ADGRE2: variants seen among roughly 807,000 people sequenced by gnomAD.
ADGRE2 encodes CD97 antigen.
Under a neutral mutation model 100.8 loss-of-function variants are expected in ADGRE2, and 83 were observed. That is an observed-to-expected ratio of 0.82 (90% confidence interval 0.69 to 0.99). The LOEUF is 0.99. ADGRE2 is among the 50% of genes least tolerant of loss of function. The pLI, the probability that ADGRE2 is intolerant of heterozygous loss-of-function variation, is 0.00. For missense variants in ADGRE2, 814 were observed against 1,035.7 expected, an observed-to-expected ratio of 0.79 and a Z score of 2.94; for synonymous variants, 355 against 413.0, an observed-to-expected ratio of 0.86 and a Z score of 1.70.
chr19:14,731,036 A>G, downstream of ADGRE2: 1 of 692,182 alleles, frequency 1.4e-6, no homozygotes, highest in Non-Finnish European at 2.5e-6. Context: ...TATTTAGGAC[A>G]TTCATAGGCA....
chr19:14,775,597 G>A (rs2044405263), intron 2 of ADGRE2, among the ~76,000 whole-genome samples: 1 of 151,918 alleles, frequency 6.6e-6, no homozygotes, highest in Non-Finnish European at 1.5e-5. Context: ...GGTGGCTCGG[G>A]ACTGTAATCC....
At chr19:14,739,784 G>C (rs560184498) in intron 20 of ADGRE2, among the ~76,000 whole-genome samples, 2 of 152,246 alleles carry the variant, frequency 1.3e-5, no homozygotes, top group African/African-American at 4.8e-5. Flanking sequence ...TCTTTATAAA[G>C]TATGAAGGCT....
In ADGRE2 at chr19:14,769,622, G is replaced by A. The variant is rs73926673; in HGVS notation, c.356-2513C>T. Among the ~76,000 whole-genome samples, 219 of 152,316 alleles carry A rather than the reference G, an allele frequency of 1.4e-3. 1 individual carries two copies. Among genetic ancestry groups the A allele is most frequent in the African/African-American group, 5.1e-3 (213 of 41,580 alleles). On this transcript the variant is annotated intron_variant, in intron 5 of 20. Transcript: ENST00000315576. ...TCTCCCACTTCATTCCTGCTCATCT[G>A]TGTCTCTGCCTATCCACCAACTAAG...
chr19:14,776,697 C>A (rs1178424373), intron 2 of ADGRE2, 29 bp downstream of exon 2: 15 of 1,607,108 alleles, frequency 9.3e-6, no homozygotes, highest in African/African-American at 1.3e-5. Context: ...TCCTCGCTAC[C>A]ACCCCCAGCG....
At position 14,762,684 on chromosome 19, in the gene ADGRE2, C is replaced by T. The variant is rs142557798; in HGVS notation, c.1084+1749G>A. On this transcript the variant is annotated intron_variant, in intron 11 of 20. Coordinates refer to ENST00000315576, the MANE Select transcript of ADGRE2 (RefSeq NM_013447.4). ...TGAGATGGAGTGGCACTCTGTCTCA[C>T]GTAGTCTGGAGTGCAGTGGTGCAAA... 6.4e-3 allele frequency among the ~76,000 whole-genome samples: 980 copies of T among 152,000 alleles called. 15 individuals are homozygous for T. Among genetic ancestry groups the T allele is most frequent in the African/African-American group, 0.023 (946 of 41,442 alleles).
chr19:14,727,184 C>T, the ADGRE2 span, among the ~76,000 whole-genome samples: 111 of 152,168 alleles, frequency 7.3e-4, no homozygotes, highest in African/African-American at 2.3e-3. Context: ...TCCGCCACCA[C>T]GCCTGGCTAA....
At position 14,759,505 on chromosome 19, in the gene ADGRE2, T is replaced by TATATATATATATATATA. The variant is rs60321111; in HGVS notation, c.1085-3161_1085-3160insTATATATATATATATAT. Among the ~76,000 whole-genome samples the TATATATATATATATATA allele has an allele frequency of 6.2e-3, 377 of 61,270 alleles. 2 individuals are homozygous for TATATATATATATATATA. The highest frequency in any genetic ancestry group is 0.022 in the African/African-American group (363 of 16,324). 40.2% of individuals were successfully genotyped at this position (61,270 alleles called of 152,430 possible). A position where few individuals can be genotyped will look rare whatever the true frequency, so the allele number is the denominator to read the frequency against. ...AAGTTATACATATATATATATATATTTTTTTTTTTTAGACGGAGTCTCACT... is the reference window on the plus strand; with the variant it reads ...AAGTTATACATATATATATATATATTATATATATATATATATATTTTTTTTTTAGACGGAGTCTCACT... On this transcript the variant is annotated intron_variant, in intron 11 of 20. Transcript: ENST00000315576.
At position 14,751,492 on chromosome 19, in the gene ADGRE2, A is replaced by G; in HGVS notation, c.1968T>C (p.Ala656=). Residue 656 remains alanine, a synonymous_variant, in exon 16 of 21, where the codon GCT becomes GCC. Transcript: ENST00000315576. ...LMFPVGYGVP[A]VTVAISAASR... ...AGGCTGCAGAAATGGCCACTGTCACAGCTGGGACTCCGTAGCCCACAGGGA... is the reference window on the plus strand; with the variant it reads ...AGGCTGCAGAAATGGCCACTGTCACGGCTGGGACTCCGTAGCCCACAGGGA... 3 of 1,614,166 alleles carry G rather than the reference A, an allele frequency of 1.9e-6. No individual in the cohort carries two copies. The highest frequency in any genetic ancestry group is 2.5e-6 in the Non-Finnish European group (3 of 1,180,016).
At position 14,758,884 on chromosome 19, in the gene ADGRE2, C is replaced by CAAAA. The variant is rs77345554; in HGVS notation, c.1085-2543_1085-2540dup. Among the ~76,000 whole-genome samples the CAAAA allele has an allele frequency of 8.3e-3, 915 of 110,430 alleles. 28 individuals are homozygous for CAAAA. Among genetic ancestry groups the CAAAA allele is most frequent in the Middle Eastern group, 0.03 (7 of 234 alleles). The allele number at this position is 110,430 out of a possible 152,430, so 72.4% of individuals were successfully genotyped here. ...TGCGGGACACAGCACGACTCCGTCT[C>CAAAA]AAAAAAAAAAAAAGGAAAAAGAGAA... On this transcript the variant is annotated intron_variant, in intron 11 of 20. Transcript: ENST00000315576.
chr19:14,766,415 C>T (rs564074074), intron 6 of ADGRE2, 34 bp from the exon 7 acceptor site: 14 of 1,577,348 alleles, frequency 8.9e-6, no homozygotes, highest in Middle Eastern at 2.1e-4. Context: ...AACCCTGTCC[C>T]TGACCAGCCT....
chr19:14,755,920 C>T, intron 12 of ADGRE2, 43 bp from the exon 13 acceptor site: 2 of 1,548,982 alleles, frequency 1.3e-6, no homozygotes, highest in South Asian at 2.3e-5. Flanking sequence ...TAGGTTGAAT[C>T]TCTGGGTCCA....
intron 11 of ADGRE2, among the ~76,000 whole-genome samples, chr19:14,763,345 A>AAAAAC (rs373264140): frequency 4.1e-4 from 62 of 152,102 alleles, no homozygotes; most frequent in African/African-American, 7.7e-4. Flanking sequence ...TCTGTCTCAA[A>AAAAAC]AAAACAAAAC....
chr19:14,745,312 T>C (rs1406644615), intron 18 of ADGRE2, among the ~76,000 whole-genome samples: 6 of 152,216 alleles, frequency 3.9e-5, no homozygotes, highest in African/African-American at 1.2e-4. Context: ...TGGGGACATA[T>C]GTGATATTTT....
Position 14,752,466 on chromosome 19 carries a change from G to A in ADGRE2, c.1651C>T (p.Leu551Phe). ...AGAAAAGTGAGGGCCGCCAGGAGGAGGCACAGCAGAGAGACGCTCAGCCCC... is the reference window on the plus strand; with the variant it reads ...AGAAAAGTGAGGGCCGCCAGGAGGAAGCACAGCAGAGAGACGCTCAGCCCC... ...YMGLSVSLLC[L>F]LLAALTFLLC... The change falls in exon 15 of 21, where the codon CTC (leucine) becomes TTC (phenylalanine). Residue 551 changes from leucine to phenylalanine, a missense_variant. This residue lies in a region of ADGRE2 where 569 missense variants were observed against 692.7 expected (regional missense o/e 0.82). Coordinates refer to ENST00000315576, the MANE Select transcript of ADGRE2 (RefSeq NM_013447.4). 1 of 1,614,170 alleles carries A rather than the reference G, an allele frequency of 6.2e-7. No homozygotes were observed. Among genetic ancestry groups the A allele is most frequent in the South Asian group, 1.1e-5 (1 of 91,084 alleles).
At chr19:14,730,478 T>C (rs2042661593), downstream of ADGRE2, among the ~76,000 whole-genome samples, 1 of 151,642 alleles carries the variant, frequency 6.6e-6, no homozygotes. Flanking sequence ...CACTTTTTTC[T>C]TTTTCTTTCT....
At chr19:14,766,745 G>T (rs1485323025) in intron 6 of ADGRE2, among the ~76,000 whole-genome samples, 1 of 152,230 alleles carries the variant, frequency 6.6e-6, no homozygotes, top group African/African-American at 2.4e-5. Flanking sequence ...AGATGAGGAA[G>T]GGGTGAGGTC....
At chr19:14,765,173 G>T in intron 10 of ADGRE2, 147 bp downstream of exon 10, 1 of 800,600 alleles carries the variant, frequency 1.2e-6, no homozygotes, top group Non-Finnish European at 2.0e-6. Context: ...GTGTCCATTA[G>T]CTTCCACCAG....
chr19:14,772,028 A>G lies in ADGRE2; in HGVS notation c.355+314T>C, dbSNP rs374822661. On this transcript the variant is annotated intron_variant, in intron 5 of 20. Transcript: ENST00000315576. ...CTCCTAGAAGGCATAGGAGTAGGCCATTATTATCATCCTCATTTTATAGAT... is the reference window on the plus strand; with the variant it reads ...CTCCTAGAAGGCATAGGAGTAGGCCGTTATTATCATCCTCATTTTATAGAT... The G allele has an allele frequency of 8.8e-5, 35 of 399,588 alleles. 1 individual carries two copies. In the South Asian group the frequency reaches 9.8e-4, roughly 11 times the overall value. 24.8% of individuals were successfully genotyped at this position (399,588 alleles called of 1,614,324 possible). A position where few individuals can be genotyped will look rare whatever the true frequency, so the allele number is the denominator to read the frequency against.
At chr19:14,748,188 T>A (rs28770589) in intron 16 of ADGRE2, among the ~76,000 whole-genome samples, 58,257 of 152,030 alleles carry the variant, frequency 0.38, 12,745 homozygotes, top group African/African-American at 0.59. Context: ...TGTCCATGGG[T>A]ACCCAATGTT....
Sources: allele counts gnomAD v4.1 joint callset (sites outside exome capture counted in the v4.1 genomes callset), GRCh38; gene constraint gnomAD v4.1.1; regional missense constraint gnomAD v4.1.1; transcripts MANE v1.5; gene names NCBI Gene and HGNC (gene_info 2026-07-23, HGNC 2026-07-21).